The following TENM3 variants were observed in gnomAD, a reference collection of about 807,000 sequenced individuals.
TENM3 encodes teneurin-3.
TENM3 carries 63 observed loss-of-function variants against 255.1 expected under a neutral mutation model. That is an observed-to-expected ratio of 0.25 (90% CI 0.20 to 0.30). The LOEUF (loss-of-function observed/expected upper bound fraction) is 0.30. TENM3 is among the 10% of genes least tolerant of loss of function. The pLI, the probability that TENM3 is intolerant of heterozygous loss-of-function variation, is 1.00. For synonymous variants in TENM3, 1,306 were observed against 1,322.3 expected, an observed-to-expected ratio of 0.99 and a Z score of 0.27; for missense variants, 2,929 against 3,461.1, an observed-to-expected ratio of 0.85 and a Z score of 3.86.
the TENM3 span, among the ~76,000 whole-genome samples, chr4:181,720,886 A>G: frequency 6.6e-6 from 1 of 152,150 alleles, no homozygotes. Context: ...TCTGGAGAAG[A>G]GCTAGCGAAA....
chr4:182,558,186 C>T (rs1401674208), intron 3 of TENM3, among the ~76,000 whole-genome samples: 1 of 152,172 alleles, frequency 6.6e-6, no homozygotes, highest in Admixed American at 6.5e-5. Flanking sequence ...CCTGCCAGTG[C>T]GTGCCTGTAG....
chr4:181,667,870 G>A, the TENM3 span, among the ~76,000 whole-genome samples: 7 of 152,208 alleles, frequency 4.6e-5, no homozygotes, highest in African/African-American at 1.7e-4. Flanking sequence ...GAGACAGGTG[G>A]GTCAAGTAGT....
At chr4:182,150,018 G>A (rs572480093) in intron 1 of TENM3, among the ~76,000 whole-genome samples, 1 of 152,056 alleles carries the variant, frequency 6.6e-6, no homozygotes, top group East Asian at 1.9e-4. Flanking sequence ...TACAAAAATT[G>A]CGTTTGTTGA....
the TENM3 span, among the ~76,000 whole-genome samples, chr4:182,065,907 A>G: frequency 8.5e-5 from 13 of 152,228 alleles, no homozygotes; most frequent in Non-Finnish European, 4.4e-5. Context: ...GCTAGCTAGG[A>G]CTGTGATCCC....
At chr4:182,150,089 T>G (rs558293026) in intron 1 of TENM3, among the ~76,000 whole-genome samples, 2 of 151,640 alleles carry the variant, frequency 1.3e-5, no homozygotes, top group African/African-American at 4.8e-5. Context: ...TGGGGAGAGG[T>G]GGGGATAATG....
the TENM3 span, among the ~76,000 whole-genome samples, chr4:181,524,382 C>A: frequency 6.6e-6 from 1 of 152,108 alleles, no homozygotes; most frequent in Admixed American, 6.6e-5. Context: ...GGAATTGACA[C>A]GAAAGGCTTA....
At chr4:181,526,942 T>C in the TENM3 span, among the ~76,000 whole-genome samples, 1 of 152,172 alleles carries the variant, frequency 6.6e-6, no homozygotes, top group African/African-American at 2.4e-5. Context: ...AGTTAGGAGA[T>C]AAAGTTCATG....
At chr4:181,914,182 T>C in the TENM3 span, among the ~76,000 whole-genome samples, 1 of 152,236 alleles carries the variant, frequency 6.6e-6, no homozygotes, top group Non-Finnish European at 1.5e-5. Flanking sequence ...GTTCTCCCAA[T>C]TGAGGTGACG....
chr4:181,586,223 G>A, the TENM3 span, among the ~76,000 whole-genome samples: 3 of 152,272 alleles, frequency 2.0e-5, no homozygotes, highest in South Asian at 6.2e-4. Context: ...AGATGTCTAT[G>A]GTATGTGTCG....
chr4:182,085,793 T>C, the TENM3 span, among the ~76,000 whole-genome samples: 1 of 152,200 alleles, frequency 6.6e-6, no homozygotes, highest in Non-Finnish European at 1.5e-5. Context: ...CATGTAAATA[T>C]GAATTCAAAT....
the TENM3 span, among the ~76,000 whole-genome samples, chr4:182,102,697 G>T: frequency 6.6e-6 from 1 of 152,196 alleles, no homozygotes; most frequent in Admixed American, 6.5e-5. Context: ...AGCACAGCCT[G>T]GGGTATCAGA....
the TENM3 span, among the ~76,000 whole-genome samples, chr4:181,888,538 A>ATATATATATGTATATATATACATATATG: frequency 1.3e-5 from 1 of 74,166 alleles, no homozygotes; most frequent in Non-Finnish European, 3.1e-5. Context: ...ATATATGTGT[A>ATATATATATGTATATATATACATATATG]TATATATATA....
the TENM3 span, among the ~76,000 whole-genome samples, chr4:181,932,742 T>C: frequency 6.6e-6 from 1 of 152,150 alleles, no homozygotes; most frequent in East Asian, 1.9e-4. Context: ...CTGTTCACAA[T>C]AGCAAAGACT....
At chr4:181,988,287 A>G in the TENM3 span, among the ~76,000 whole-genome samples, 1 of 152,070 alleles carries the variant, frequency 6.6e-6, no homozygotes, top group Non-Finnish European at 1.5e-5. Flanking sequence ...TTCTCTCCAC[A>G]TATAATATGT....
intron 27 of TENM3, among the ~76,000 whole-genome samples, chr4:182,798,379 GCAATA>G (rs1000030200): frequency 5.9e-5 from 9 of 152,150 alleles, no homozygotes; most frequent in African/African-American, 1.9e-4. Flanking sequence ...ACAGTTGCCT[GCAATA>G]TTCAGTACAG....
chr4:181,619,811 T>C, the TENM3 span, among the ~76,000 whole-genome samples: 1 of 152,096 alleles, frequency 6.6e-6, no homozygotes. Flanking sequence ...TCAGAGTCAT[T>C]TGGAAAGTGA....
chr4:182,551,904 G>C (rs953531057), intron 3 of TENM3, among the ~76,000 whole-genome samples: 4 of 151,864 alleles, frequency 2.6e-5, no homozygotes, highest in Admixed American at 1.3e-4. Flanking sequence ...GTAAGTCCTA[G>C]CTACTCAGGA....
At chr4:182,233,621 ATTTAT>A (rs1756714237) in intron 1 of TENM3, among the ~76,000 whole-genome samples, 1 of 152,202 alleles carries the variant, frequency 6.6e-6, no homozygotes, top group South Asian at 2.1e-4. Flanking sequence ...CATATATTTC[ATTTAT>A]TTTCTTGCTG....
intron 3 of TENM3, among the ~76,000 whole-genome samples, chr4:182,586,610 T>G (rs542128409): frequency 1.6e-3 from 238 of 152,326 alleles, no homozygotes; most frequent in Non-Finnish European, 2.8e-3. Context: ...GAATGATCAT[T>G]ACATGGTTTC....
Sources: allele counts gnomAD v4.1 joint callset (sites outside exome capture counted in the v4.1 genomes callset), GRCh38; gene constraint gnomAD v4.1.1; transcripts MANE v1.5; gene names NCBI Gene and HGNC (gene_info 2026-07-23, HGNC 2026-07-21).